DPF3: variants seen among roughly 807,000 people sequenced by gnomAD.
The protein encoded by DPF3 is zinc finger protein DPF3.
Under a neutral mutation model 56.8 loss-of-function variants are expected in DPF3, and 18 were observed. The ratio of observed to expected loss-of-function variants is 0.32; its 90% CI spans 0.22 to 0.47. The LOEUF (loss-of-function observed/expected upper bound fraction) is 0.47. DPF3 is among the 20% of genes least tolerant of loss of function. The pLI, the probability that DPF3 is intolerant of heterozygous loss-of-function variation, is 1.00. For synonymous variants in DPF3, 188 were observed against 180.2 expected, an observed-to-expected ratio of 1.04 and a Z score of -0.35; for missense variants, 403 against 488.8, an observed-to-expected ratio of 0.82 and a Z score of 1.65.
At chr14:72,827,387 C>T (rs1445054739) in intron 1 of DPF3, among the ~76,000 whole-genome samples, 1 of 151,924 alleles carries the variant, frequency 6.6e-6, no homozygotes, top group African/African-American at 2.4e-5. Flanking sequence ...GCTTCCTACA[C>T]CAACAAGGCA....
At chr14:72,845,071 C>T (rs1599490538) in intron 1 of DPF3, among the ~76,000 whole-genome samples, 1 of 152,330 alleles carries the variant, frequency 6.6e-6, no homozygotes, top group East Asian at 1.9e-4. Context: ...TGCCACTGCA[C>T]TCCAGCCTGG....
intron 6 of DPF3, among the ~76,000 whole-genome samples, chr14:72,700,999 G>T (rs979308194): frequency 1.3e-5 from 2 of 152,190 alleles, no homozygotes; most frequent in African/African-American, 4.8e-5. Context: ...AAAAGAGGGT[G>T]GGAAAAGAAA....
chr14:72,882,545 A>G (rs1012420962), intron 1 of DPF3, among the ~76,000 whole-genome samples: 2 of 152,150 alleles, frequency 1.3e-5, no homozygotes, highest in East Asian at 3.9e-4. Flanking sequence ...TGCATGGGGA[A>G]ACATAAGGAA....
At chr14:72,727,128 G>C (rs1889438533) in intron 4 of DPF3, among the ~76,000 whole-genome samples, 3 of 151,590 alleles carry the variant, frequency 2.0e-5, no homozygotes, top group African/African-American at 7.3e-5. Context: ...TTTTTTCCCT[G>C]GCACAATACT....
chr14:72,672,028 A>ACC (rs1292947535), intron 8 of DPF3, among the ~76,000 whole-genome samples: 49 of 123,216 alleles, frequency 4.0e-4, no homozygotes, highest in African/African-American at 1.6e-3. Flanking sequence ...ACGTGTGCAC[A>ACC]CCACACACAC....
chr14:72,791,863 C>T (rs1018137965), intron 1 of DPF3, among the ~76,000 whole-genome samples: 11 of 152,286 alleles, frequency 7.2e-5, no homozygotes, highest in Admixed American at 3.3e-4. Context: ...GCCTCATGAC[C>T]GATCCCTTTG....
At chr14:72,845,770 T>C (rs1406345055) in intron 1 of DPF3, among the ~76,000 whole-genome samples, 1 of 152,162 alleles carries the variant, frequency 6.6e-6, no homozygotes, top group African/African-American at 2.4e-5. Context: ...ACTGTGTGAA[T>C]TGCCAAGGAA....
At chr14:72,733,495 A>G (rs1889760921) in intron 3 of DPF3, among the ~76,000 whole-genome samples, 2 of 152,142 alleles carry the variant, frequency 1.3e-5, no homozygotes, top group Non-Finnish European at 2.9e-5. Flanking sequence ...ACCTGGAGAT[A>G]GCACCATTAG....
At chr14:72,785,013 C>T (rs796680911) in intron 1 of DPF3, among the ~76,000 whole-genome samples, 8 of 151,916 alleles carry the variant, frequency 5.3e-5, no homozygotes, top group African/African-American at 1.9e-4. Flanking sequence ...AGGCCAGGCA[C>T]AGCAGCTCAT....
At chr14:72,755,916 G>A (rs1890769450) in intron 2 of DPF3, among the ~76,000 whole-genome samples, 1 of 152,214 alleles carries the variant, frequency 6.6e-6, no homozygotes, top group South Asian at 2.1e-4. Flanking sequence ...CACTTACAGA[G>A]GGAAGAGCAG....
intron 5 of DPF3, among the ~76,000 whole-genome samples, chr14:72,718,059 C>T (rs1193027676): frequency 6.6e-6 from 1 of 152,194 alleles, no homozygotes; most frequent in Non-Finnish European, 1.5e-5. Flanking sequence ...GTATAGGCCA[C>T]TTGAACTGAG....
rs200213141 is a variant in DPF3 at position 72,868,703 on chromosome 14, G to C, written c.32+25354C>G. 6.6e-5 allele frequency among the ~76,000 whole-genome samples: 10 copies of C among 152,300 alleles called. No homozygotes were observed. The East Asian group carries it at 1.7e-3, about 26-fold the overall frequency. Reference sequence around the variant, plus strand: ...ATGGAAAACCTCCAAGGAGCAGGCAGGGAGTGTCCATCAGAATGACAGGAA... The same window carrying C: ...ATGGAAAACCTCCAAGGAGCAGGCACGGAGTGTCCATCAGAATGACAGGAA... On this transcript the variant is annotated intron_variant, in intron 1 of 10. Transcript: ENST00000556509.
chr14:72,658,780 T>A (rs1359889967), intron 8 of DPF3, among the ~76,000 whole-genome samples: 1 of 152,142 alleles, frequency 6.6e-6, no homozygotes, highest in East Asian at 1.9e-4. Flanking sequence ...AAAGATCCGC[T>A]GTTATGAGAA....
At chr14:72,834,281 G>A (rs1397151432) in intron 1 of DPF3, among the ~76,000 whole-genome samples, 1 of 152,096 alleles carries the variant, frequency 6.6e-6, no homozygotes, top group Admixed American at 6.6e-5. Context: ...TGGATTACTT[G>A]AGGTCAGGAG....
At chr14:72,794,707 T>C (rs1474183760) in intron 1 of DPF3, among the ~76,000 whole-genome samples, 1 of 152,220 alleles carries the variant, frequency 6.6e-6, no homozygotes, top group African/African-American at 2.4e-5. Flanking sequence ...CTATTGCTGC[T>C]GAGACAAATT....
At chr14:72,621,013 C>T (rs1884401816) in intron 9 of DPF3, among the ~76,000 whole-genome samples, 1 of 151,998 alleles carries the variant, frequency 6.6e-6, no homozygotes, top group Admixed American at 6.5e-5. Context: ...TGGTGGCGTG[C>T]ACCTGTAATC....
intron 2 of DPF3, among the ~76,000 whole-genome samples, chr14:72,758,332 C>T (rs993686598): frequency 2.0e-5 from 3 of 152,144 alleles, no homozygotes; most frequent in Non-Finnish European, 1.5e-5. Context: ...CCTGTGATTG[C>T]CCCAGCTTAC....
chr14:72,892,769 G>C (rs922653195), intron 1 of DPF3: 12 of 912,102 alleles, frequency 1.3e-5, no homozygotes, highest in Non-Finnish European at 1.3e-5. Flanking sequence ...TCGTCCGGGC[G>C]GGGAAGTCCC....
At chr14:72,757,350 T>A (rs2139912952) in intron 2 of DPF3, among the ~76,000 whole-genome samples, 1 of 152,270 alleles carries the variant, frequency 6.6e-6, no homozygotes, top group Non-Finnish European at 1.5e-5. Flanking sequence ...GTCGGCCAAC[T>A]CTTACTGTGA....
Sources: gnomAD v4.1 joint callset for allele counts (sites outside exome capture counted in the v4.1 genomes callset) on GRCh38, gnomAD v4.1.1 for gene constraint, MANE v1.5 for transcripts, NCBI Gene and HGNC (gene_info 2026-07-23, HGNC 2026-07-21) for gene names.